Variants in FAM107B observed in about 807,000 individuals in gnomAD.
FAM107B encodes family with sequence similarity 107 member B, also known as protein FAM107B.
A neutral mutation model predicts 31.5 loss-of-function variants in FAM107B; 21 were observed. The observed-to-expected ratio is 0.67, with a 90% CI of 0.47 to 0.96. The LOEUF is 0.96. Ranked by LOEUF, FAM107B falls within the 40% of genes least tolerant of loss-of-function variation. The probability of loss-of-function intolerance (pLI) is 0.00; values close to 1 mark genes in which losing one functional copy is unlikely to be tolerated. For missense variants in FAM107B, 452 were observed against 377.1 expected, an observed-to-expected ratio of 1.20 and a Z score of -1.64; for synonymous variants, 157 against 141.5, an observed-to-expected ratio of 1.11 and a Z score of -0.78.
intron 1 of FAM107B, among the ~76,000 whole-genome samples, chr10:14,689,700 C>T (rs1229271429): frequency 6.6e-6 from 1 of 152,138 alleles, no homozygotes; most frequent in African/African-American, 2.4e-5. Context: ...GTGCCTCACA[C>T]CTGTAATCCC....
intron 2 of FAM107B, among the ~76,000 whole-genome samples, chr10:14,658,519 C>A (rs905982923): frequency 1.3e-5 from 2 of 152,214 alleles, no homozygotes; most frequent in Non-Finnish European, 2.9e-5. Context: ...CGTTGTAAAC[C>A]AGACTCAATC....
At chr10:14,570,998 G>A (rs1194288518) in intron 2 of FAM107B, among the ~76,000 whole-genome samples, 1 of 152,020 alleles carries the variant, frequency 6.6e-6, no homozygotes, top group Non-Finnish European at 1.5e-5. Flanking sequence ...GCCATAGGCT[G>A]GGGGCCTTAA....
At chr10:14,636,637 T>G (rs1853506960) in intron 2 of FAM107B, among the ~76,000 whole-genome samples, 1 of 150,576 alleles carries the variant, frequency 6.6e-6, no homozygotes, top group African/African-American at 2.5e-5. Flanking sequence ...AAGGTCCATC[T>G]CCAAACACAG....
intron 2 of FAM107B, among the ~76,000 whole-genome samples, chr10:14,574,967 G>C (rs1230621786): frequency 6.6e-6 from 1 of 152,074 alleles, no homozygotes. Flanking sequence ...ACCAGGAAAA[G>C]AAATATGACC....
chr10:14,546,273 G>C (rs1012419423), intron 2 of FAM107B, among the ~76,000 whole-genome samples: 19 of 152,168 alleles, frequency 1.2e-4, no homozygotes, highest in Non-Finnish European at 2.8e-4. Context: ...ACCAAGATTG[G>C]AGTCTGGTCC....
At chr10:14,669,272 C>T (rs777949449) in intron 1 of FAM107B, among the ~76,000 whole-genome samples, 32 of 148,844 alleles carry the variant, frequency 2.1e-4, no homozygotes, top group African/African-American at 7.7e-4. Context: ...CGGGAGGCTG[C>T]GGCAGGAGAA....
chr10:14,583,689 C>T (rs966298856), intron 2 of FAM107B, among the ~76,000 whole-genome samples: 1 of 151,732 alleles, frequency 6.6e-6, no homozygotes, highest in Non-Finnish European at 1.5e-5. Context: ...CACGTCCTTG[C>T]CAACACCTGC....
chr10:14,700,035 C>G (rs1020058619), intron 1 of FAM107B, among the ~76,000 whole-genome samples: 1 of 152,164 alleles, frequency 6.6e-6, no homozygotes, highest in African/African-American at 2.4e-5. Context: ...CGGGTGCAAG[C>G]GATTCTTCTG....
At chr10:14,681,031 C>A (rs1354937756) in intron 1 of FAM107B, among the ~76,000 whole-genome samples, 2 of 152,230 alleles carry the variant, frequency 1.3e-5, no homozygotes, top group Non-Finnish European at 2.9e-5. Flanking sequence ...GGGGTCCTGA[C>A]TGGAGGTTTG....
intron 1 of FAM107B, among the ~76,000 whole-genome samples, chr10:14,750,602 ACT>A (rs1321534398): frequency 6.6e-6 from 1 of 152,068 alleles, no homozygotes; most frequent in African/African-American, 2.4e-5. Context: ...ACAGAGTGAG[ACT>A]CTGTCTCAAA....
chr10:14,667,994 G>A (rs1477327388), intron 1 of FAM107B, among the ~76,000 whole-genome samples: 1 of 152,114 alleles, frequency 6.6e-6, no homozygotes, highest in Non-Finnish European at 1.5e-5. Context: ...TAATATATTT[G>A]AAGGCACCCG....
intron 2 of FAM107B, among the ~76,000 whole-genome samples, chr10:14,632,518 G>C (rs368957071): frequency 6.6e-6 from 1 of 150,548 alleles, no homozygotes; most frequent in Non-Finnish European, 1.5e-5. Context: ...GGCTGAGGCA[G>C]GAGAATGGCG....
At chr10:14,590,106 A>T (rs752715786) in intron 2 of FAM107B, among the ~76,000 whole-genome samples, 8 of 152,336 alleles carry the variant, frequency 5.3e-5, no homozygotes, top group African/African-American at 1.2e-4. Flanking sequence ...GGTCTTGGGC[A>T]AGCAATTTAA....
At position 14,693,475 on chromosome 10, in the gene FAM107B, C is replaced by CAA. The variant is rs71287335; in HGVS notation, c.412-25786_412-25785dup. Among the ~76,000 whole-genome samples the CAA allele has an allele frequency of 5.9e-4, 73 of 123,156 alleles. 1 individual carries two copies. The highest frequency in any genetic ancestry group is 2.0e-3 in the South Asian group (8 of 3,998). 80.8% of individuals were successfully genotyped at this position (123,156 alleles called of 152,430 possible). On this transcript the variant is annotated intron_variant, in intron 1 of 4. Transcript: ENST00000181796. Reference sequence around the variant, plus strand: ...CCTCGGCGACAGAGTGACACCGTCTCAAAAAAAAAAAAAAGGTATACAACA... The same window carrying CAA: ...CCTCGGCGACAGAGTGACACCGTCTCAAAAAAAAAAAAAAAAGGTATACAACA...
At position 14,567,173 on chromosome 10, in the gene FAM107B, T is replaced by A. The variant is rs549190066; in HGVS notation, c.470-36658A>T. Among the ~76,000 whole-genome samples the A allele has an allele frequency of 6.5e-4, 98 of 151,880 alleles. 1 individual carries two copies. The highest frequency in any genetic ancestry group is 2.2e-3 in the African/African-American group (91 of 41,400). Reference sequence around the variant, plus strand: ...GTCTCAAATTAAATAAATAAATAAATAAAAATAAATAAATTGGAGGTGGGA... The same window carrying A: ...GTCTCAAATTAAATAAATAAATAAAAAAAAATAAATAAATTGGAGGTGGGA... On this transcript the variant is annotated intron_variant, in intron 2 of 4. Coordinates refer to ENST00000181796, the MANE Select transcript of FAM107B (RefSeq NM_031453.4).
intron 1 of FAM107B, among the ~76,000 whole-genome samples, chr10:14,697,287 C>A (rs1374461360): frequency 1.3e-5 from 2 of 152,216 alleles, no homozygotes; most frequent in African/African-American, 4.8e-5. Flanking sequence ...ACCCCCCAAC[C>A]CAGCCTTCTC....
At chr10:14,608,236 T>A (rs987725372) in intron 2 of FAM107B, among the ~76,000 whole-genome samples, 2 of 152,172 alleles carry the variant, frequency 1.3e-5, no homozygotes, top group East Asian at 3.9e-4. Flanking sequence ...GTATCTTAAA[T>A]TTTGCACTGT....
intron 2 of FAM107B, among the ~76,000 whole-genome samples, chr10:14,579,064 G>A (rs1306448075): frequency 4.6e-5 from 7 of 152,176 alleles, no homozygotes; most frequent in African/African-American, 7.2e-5. Flanking sequence ...GAAAATTCCC[G>A]GTGACAAACA....
intron 2 of FAM107B, among the ~76,000 whole-genome samples, chr10:14,580,275 G>A (rs1851592954): frequency 6.6e-6 from 1 of 152,150 alleles, no homozygotes; most frequent in East Asian, 1.9e-4. Context: ...CAGGAGAATG[G>A]CGTGAACCCA....
Sources: gnomAD v4.1 joint callset for allele counts (sites outside exome capture counted in the v4.1 genomes callset) on GRCh38, gnomAD v4.1.1 for gene constraint, MANE v1.5 for transcripts, NCBI Gene and HGNC (gene_info 2026-07-23, HGNC 2026-07-21) for gene names.